CDK15: variants seen among roughly 807,000 people sequenced by gnomAD.
CDK15 encodes cyclin-dependent kinase 15.
CDK15 carries 62 observed loss-of-function variants against 60.3 expected under a neutral mutation model. That is an observed-to-expected ratio of 1.03 (90% CI 0.84 to 1.27). CDK15 has a LOEUF of 1.27. Ranked by LOEUF, CDK15 falls within the 50% of genes most tolerant of loss-of-function variation. The probability of loss-of-function intolerance (pLI) is 0.00; values close to 1 mark genes in which losing one functional copy is unlikely to be tolerated. For synonymous variants in CDK15, 194 were observed against 195.7 expected, an observed-to-expected ratio of 0.99 and a Z score of 0.07; for missense variants, 541 against 527.8, an observed-to-expected ratio of 1.03 and a Z score of -0.25.
intron 10 of CDK15, chr2:201,860,627 G>A: frequency 9.1e-7 from 1 of 1,102,892 alleles, no homozygotes; most frequent in Middle Eastern, 2.9e-4. Flanking sequence ...CAAAAGGCAG[G>A]AAAGCGGTAC....
At position 201,812,478 on chromosome 2, in the gene CDK15, T is replaced by A. The variant is rs1259760868; in HGVS notation, c.369-5T>A. 1 of 1,609,344 alleles carries A rather than the reference T, an allele frequency of 6.2e-7. No homozygotes were observed. The highest frequency in any genetic ancestry group is 8.5e-7 in the Non-Finnish European group (1 of 1,176,496). On this transcript the variant is annotated splice_polypyrimidine_tract_variant and splice_region_variant and intron_variant, in intron 3 of 13. Coordinates refer to ENST00000652192, the MANE Select transcript of CDK15 (RefSeq NM_001366386.2). ...AGTGTGTGCCCCTCAATCCCTCTCT[T>A]CTAGAATAAATGGACAACTAGTGGC...
intron 9 of CDK15, among the ~76,000 whole-genome samples, chr2:201,851,887 G>A (rs115281772): frequency 0.011 from 1,678 of 152,170 alleles, 13 homozygotes; most frequent in Middle Eastern, 0.017. Context: ...TCGAACTCTC[G>A]ACTTCTGGTG....
chr2:201,832,222 T>G (rs778504806), intron 6 of CDK15, among the ~76,000 whole-genome samples: 1 of 152,092 alleles, frequency 6.6e-6, no homozygotes, highest in Non-Finnish European at 1.5e-5. Flanking sequence ...ATTTTTGTAT[T>G]TTTAGTAGAG....
chr2:201,833,554 A>C (rs959146558), intron 6 of CDK15, among the ~76,000 whole-genome samples: 2 of 152,140 alleles, frequency 1.3e-5, no homozygotes, highest in Non-Finnish European at 2.9e-5. Context: ...GAAACTTCAA[A>C]GTTTCACTTT....
intron 8 of CDK15, among the ~76,000 whole-genome samples, chr2:201,843,742 A>G (rs1380711220): frequency 1.3e-5 from 2 of 152,198 alleles, no homozygotes; most frequent in African/African-American, 4.8e-5. Flanking sequence ...CAAATGGAGA[A>G]TTTCAACCAT....
rs776384229 is a variant in CDK15 at position 201,806,654 on chromosome 2, C to T, written c.-11C>T. ...TTCAAGTGCGGGTTTTCTCCTTGAA[C>T]CTACAAGATTATGGGTCAAGAGCTG... On this transcript the variant is annotated 5_prime_UTR_variant, in exon 1 of 14. Coordinates refer to ENST00000652192, the MANE Select transcript of CDK15 (RefSeq NM_001366386.2). 1.3e-6 allele frequency: 2 copies of T among 1,579,028 alleles called. No individual in the cohort carries two copies. Among genetic ancestry groups the T allele is most frequent in the South Asian group, 2.3e-5 (2 of 88,418 alleles).
At chr2:201,841,380 A>G (rs1490921035) in intron 8 of CDK15, among the ~76,000 whole-genome samples, 1 of 152,204 alleles carries the variant, frequency 6.6e-6, no homozygotes, top group Non-Finnish European at 1.5e-5. Context: ...TGGTAAAACT[A>G]AAAATGTAAT....
chr2:201,809,241 C>G (rs1201787838), intron 3 of CDK15, among the ~76,000 whole-genome samples: 7 of 152,196 alleles, frequency 4.6e-5, no homozygotes, highest in Admixed American at 2.0e-4. Flanking sequence ...ACCATGGACA[C>G]TTCTGATCCT....
chr2:201,871,901 C>G (rs1018707979), intron 10 of CDK15, among the ~76,000 whole-genome samples: 1 of 152,034 alleles, frequency 6.6e-6, no homozygotes. Context: ...TGACGCACGT[C>G]TATTTCTGGG....
At chr2:201,860,724 C>T (rs1040803423) in intron 10 of CDK15, 2 of 1,351,990 alleles carry the variant, frequency 1.5e-6, no homozygotes, top group African/African-American at 1.5e-5. Context: ...CTTGCTTTAT[C>T]AACTTCTGAC....
chr2:201,870,420 A>G (rs879830120), intron 10 of CDK15, among the ~76,000 whole-genome samples: 4 of 152,112 alleles, frequency 2.6e-5, no homozygotes, highest in African/African-American at 7.2e-5. Context: ...TTTAAAACCA[A>G]AATAATGGTT....
intron 10 of CDK15, among the ~76,000 whole-genome samples, chr2:201,866,633 G>C (rs967487574): frequency 1.2e-4 from 18 of 152,188 alleles, no homozygotes; most frequent in African/African-American, 3.6e-4. Context: ...TCTTTGGAAG[G>C]AGAAGGGAAA....
rs748199209 is a variant in CDK15 at position 201,835,680 on chromosome 2, CT to C, written c.769del (p.Ser257LeufsTer5). 1.9e-6 allele frequency: 3 copies of C among 1,610,866 alleles called. No homozygotes were observed. Among genetic ancestry groups the C allele is most frequent in the Non-Finnish European group, 2.5e-6 (3 of 1,178,152 alleles). ...CCAAGTCCATTCCCAGCCAGACATA[CT>C]CTTCAGAAGTCGTGACCCTCTGGTA... Reference protein sequence around the residue: ...RAKSIPSQTYSSEVVTLWYRP... With the variant: ...RAKSIPSQTYXSEVVTLWYRP... On this transcript the variant is annotated frameshift_variant, in exon 8 of 14. Coordinates refer to ENST00000652192, the MANE Select transcript of CDK15 (RefSeq NM_001366386.2). LOFTEE classifies it high-confidence loss of function.
chr2:201,833,209 T>TG (rs1239819235), intron 6 of CDK15, among the ~76,000 whole-genome samples: 20 of 84,576 alleles, frequency 2.4e-4, no homozygotes, highest in Admixed American at 8.8e-4. Context: ...TGATTTTTTT[T>TG]GAGGGGGGGG....
chr2:201,857,719 C>G (rs1267097860), intron 10 of CDK15, among the ~76,000 whole-genome samples: 1 of 152,102 alleles, frequency 6.6e-6, no homozygotes, highest in East Asian at 1.9e-4. Context: ...CTATCTTGGG[C>G]CATGGGGTCA....
At chr2:201,867,781 C>A (rs1470729596) in intron 10 of CDK15, among the ~76,000 whole-genome samples, 1 of 152,138 alleles carries the variant, frequency 6.6e-6, no homozygotes, top group Non-Finnish European at 1.5e-5. Flanking sequence ...CCTACCTCTC[C>A]AAAATGAGAG....
At chr2:201,808,326 A>G (rs886257341) in intron 3 of CDK15, among the ~76,000 whole-genome samples, 3 of 152,180 alleles carry the variant, frequency 2.0e-5, no homozygotes, top group Admixed American at 1.3e-4. Context: ...CTAAATCACA[A>G]TGACAGAGGT....
At position 201,860,892 on chromosome 2, in the gene CDK15, T is replaced by C. The variant is rs1056590946; in HGVS notation, c.1009+5955T>C. The C allele has an allele frequency of 5.9e-6, 8 of 1,349,554 alleles. No homozygotes were observed. In the African/African-American group the frequency reaches 8.9e-5, roughly 15 times the overall value. The allele number at this position is 1,349,554 out of a possible 1,614,324, so 83.6% of individuals were successfully genotyped here. ...AAACCACTATGAGACAGAAGATGATTAAAATGATCCTTGTCCCCACTGGGA... is the reference window on the plus strand; with the variant it reads ...AAACCACTATGAGACAGAAGATGATCAAAATGATCCTTGTCCCCACTGGGA... On this transcript the variant is annotated intron_variant, in intron 10 of 13. Transcript: ENST00000652192.
intron 10 of CDK15, among the ~76,000 whole-genome samples, chr2:201,866,996 A>G (rs991029050): frequency 2.0e-5 from 3 of 152,180 alleles, no homozygotes; most frequent in Non-Finnish European, 4.4e-5. Context: ...GGACTCAAGT[A>G]CAAAATGTTG....
Sources: allele counts gnomAD v4.1 joint callset (sites outside exome capture counted in the v4.1 genomes callset), GRCh38; gene constraint gnomAD v4.1.1; transcripts MANE v1.5; gene names NCBI Gene and HGNC (gene_info 2026-07-23, HGNC 2026-07-21).